Variants in WHRN observed in about 807,000 individuals in gnomAD.
WHRN encodes CASK-interacting protein CIP98.
Under a neutral mutation model 68.3 loss-of-function variants are expected in WHRN, and 41 were observed. That is an observed-to-expected ratio of 0.60 (90% CI 0.47 to 0.78). The LOEUF (loss-of-function observed/expected upper bound fraction) is 0.78. WHRN is among the 30% of genes least tolerant of loss of function. WHRN has a pLI of 0.00. For synonymous variants in WHRN, 560 were observed against 561.3 expected, an observed-to-expected ratio of 1.00 and a Z score of 0.03; for missense variants, 1,243 against 1,244.7, an observed-to-expected ratio of 1.00 and a Z score of 0.02.
chr9:114,479,660 G>A (rs1051023205), intron 1 of WHRN, among the ~76,000 whole-genome samples: 1 of 152,186 alleles, frequency 6.6e-6, no homozygotes, highest in African/African-American at 2.4e-5. Context: ...ATTATCTCAT[G>A]AAATCCTAAT....
At position 114,500,996 on chromosome 9, in the gene WHRN, C is replaced by A. The variant is rs76632423; in HGVS notation, c.618+3188G>T. 1.4e-4 allele frequency among the ~76,000 whole-genome samples: 22 copies of A among 152,276 alleles called. 1 individual carries two copies. The highest frequency in any genetic ancestry group is 3.9e-4 in the Admixed American group (6 of 15,308). ...ACAAGAAGACATCAGATTAGACATT[C>A]TAAATGCCTCCTGTGTAGCACATAC... On this transcript the variant is annotated intron_variant, in intron 1 of 11. Coordinates refer to ENST00000362057, the MANE Select transcript of WHRN (RefSeq NM_015404.4).
intron 3 of WHRN, among the ~76,000 whole-genome samples, chr9:114,450,834 CG>C (rs1564169115): frequency 0.025 from 3,761 of 149,968 alleles, 162 homozygotes; most frequent in African/African-American, 0.091. Context: ...TTTCCCCCCC[CG>C]CAAAAAAATA....
At chr9:114,404,610 T>C (rs2132195152) in intron 9 of WHRN, among the ~76,000 whole-genome samples, 1 of 152,082 alleles carries the variant, frequency 6.6e-6, no homozygotes, top group East Asian at 2.0e-4. Context: ...ACTATGTGTG[T>C]AACAGCCTGG....
intron 7 of WHRN, 94 bp downstream of exon 7, chr9:114,423,220 T>A: frequency 7.6e-7 from 1 of 1,313,986 alleles, no homozygotes; most frequent in Admixed American, 1.7e-5. Flanking sequence ...TAAGTGGTGG[T>A]GCTGGGATTC....
chr9:114,486,885 A>AGTGTGTGTGT (rs142516414), intron 1 of WHRN, among the ~76,000 whole-genome samples: 2 of 73,704 alleles, frequency 2.7e-5, no homozygotes, highest in African/African-American at 4.6e-5. Flanking sequence ...TGATTAAATT[A>AGTGTGTGTGT]GTGTGTGTGT....
chr9:114,502,971 G>T, intron 1 of WHRN: 1 of 204,248 alleles, frequency 4.9e-6, no homozygotes, highest in Non-Finnish European at 8.7e-6. Context: ...AGTATAAACC[G>T]ATCGGCCTTT....
At chr9:114,484,973 C>T (rs940138965) in intron 1 of WHRN, among the ~76,000 whole-genome samples, 2 of 152,098 alleles carry the variant, frequency 1.3e-5, no homozygotes, top group Non-Finnish European at 2.9e-5. Context: ...ATGGCAGACG[C>T]ACACATGCTT....
rs555518973 is a variant in WHRN, at chr9:114,483,135, T to A, written c.619-4364A>T. On this transcript the variant is annotated intron_variant, in intron 1 of 11. Transcript: ENST00000362057. ...CTATTCTTTAGGGATAAATATGGGCTTTTTCTGGGTGTTGGAGAGCAAGAA... is the reference window on the plus strand; with the variant it reads ...CTATTCTTTAGGGATAAATATGGGCATTTTCTGGGTGTTGGAGAGCAAGAA... Among the ~76,000 whole-genome samples, 9 of 152,326 alleles carry A rather than the reference T, an allele frequency of 5.9e-5. No individual in the cohort carries two copies. The East Asian group carries it at 1.3e-3, about 23-fold the overall frequency.
intron 9 of WHRN, among the ~76,000 whole-genome samples, chr9:114,405,149 A>C (rs1467002636): frequency 3.6e-5 from 5 of 137,612 alleles, no homozygotes; most frequent in Admixed American, 8.4e-5. Flanking sequence ...ATCTTGGCTC[A>C]CTGCAACCTC....
In WHRN at chr9:114,406,766, G is replaced by A; in HGVS notation, c.1825C>T (p.Pro609Ser). ...PRKLGREDLQ[P>S]PSSMPSCSGT... The stretch of plus-strand genomic sequence containing the variant: ...GAGCAGGAAGGCATGGAGGAAGGTG[G>A]CTGGAGGTCCTCTCTCCCCAGCTTC... The change falls in exon 9 of 12, where the codon CCA (proline) becomes TCA (serine). Residue 609 changes from proline (P) to serine (S), a missense_variant. Physicochemically the swap from Pro to Ser is moderately conservative, Grantham distance 74. Coordinates refer to ENST00000362057, the MANE Select transcript of WHRN (RefSeq NM_015404.4). 6.2e-7 allele frequency: 1 copy of A among 1,614,130 alleles called. No homozygotes were observed. The highest frequency in any genetic ancestry group is 8.5e-7 in the Non-Finnish European group (1 of 1,179,992).
chr9:114,442,931 A>G (rs768139130), intron 3 of WHRN, among the ~76,000 whole-genome samples: 8 of 152,236 alleles, frequency 5.3e-5, no homozygotes, highest in Non-Finnish European at 7.3e-5. Context: ...ATTATTTCAA[A>G]ATAAAAAGAT....
Position 114,424,913 on chromosome 9 carries a change from A to G in WHRN, c.1203+75T>C, listed in dbSNP as rs1589108938. On this transcript the variant is annotated intron_variant, in intron 5 of 11. Transcript: ENST00000362057. ...AATGAGGTAGTGTAAGTCACTCGGC[A>G]CCCTCTGGCTGGCCAGACCTCCTCA... 6 of 1,509,664 alleles carry G rather than the reference A, an allele frequency of 4.0e-6. No homozygotes were observed. The East Asian group carries it at 1.4e-4, about 34-fold the overall frequency. The allele number at this position is 1,509,664 out of a possible 1,614,324, so 93.5% of individuals were successfully genotyped here.
chr9:114,423,472 G>A lies in WHRN; in HGVS notation c.1468C>T (p.Arg490Cys), dbSNP rs769494605. 1.7e-5 allele frequency: 27 copies of A among 1,613,184 alleles called. 1 individual carries two copies. The highest frequency in any genetic ancestry group is 3.3e-5 in the South Asian group (3 of 91,082). ...RGTISPQDLERFDHLVLRREI... is the reference protein window; with the variant it reads ...RGTISPQDLECFDHLVLRREI... ...CGCCTCAGCACCAGGTGGTCGAAGCGTTCTAGGTCTTGCGGGGAAATGGTG... is the reference window on the plus strand; with the variant it reads ...CGCCTCAGCACCAGGTGGTCGAAGCATTCTAGGTCTTGCGGGGAAATGGTG... Residue 490 changes from arginine (R) to cysteine (C), a missense_variant, in exon 7 of 12, where the codon CGC (arginine) becomes TGC (cysteine). Physicochemically the swap from Arg to Cys is radical, Grantham distance 180 (BLOSUM62 -3). Coordinates refer to ENST00000362057, the MANE Select transcript of WHRN (RefSeq NM_015404.4).
At chr9:114,486,814 CAAAA>C (rs59992011) in intron 1 of WHRN, among the ~76,000 whole-genome samples, 39 of 71,194 alleles carry the variant, frequency 5.5e-4, no homozygotes, top group African/African-American at 2.1e-3. Flanking sequence ...GCTTCCCAGG[CAAAA>C]AAAAAAAAAA....
chr9:114,446,926 G>T (rs1838871795), intron 3 of WHRN, among the ~76,000 whole-genome samples: 1 of 145,592 alleles, frequency 6.9e-6, no homozygotes, highest in Non-Finnish European at 1.5e-5. Context: ...TCTCCTCTCT[G>T]TCAGCCCCTC....
At chr9:114,428,572 G>A (rs1277294884) in intron 3 of WHRN, among the ~76,000 whole-genome samples, 1 of 152,176 alleles carries the variant, frequency 6.6e-6, no homozygotes, top group Non-Finnish European at 1.5e-5. Flanking sequence ...GTGAAAAGGA[G>A]TGCTGATTTG....
At chr9:114,402,984 C>T (rs747159660) in intron 11 of WHRN, 48 bp from the exon 12 acceptor site, 6 of 1,579,820 alleles carry the variant, frequency 3.8e-6, no homozygotes, top group Non-Finnish European at 4.3e-6. Context: ...GTTAGACAGG[C>T]CTGGCTTTGA....
At chr9:114,424,967 A>C in intron 5 of WHRN, 21 bp downstream of exon 5, 1 of 1,609,626 alleles carries the variant, frequency 6.2e-7, no homozygotes, top group Non-Finnish European at 8.5e-7. Context: ...AGCAGAGAAT[A>C]CCCCTTAGAG....
intron 1 of WHRN, among the ~76,000 whole-genome samples, chr9:114,501,820 C>T (rs1486432671): frequency 6.6e-6 from 1 of 152,208 alleles, no homozygotes; most frequent in African/African-American, 2.4e-5. Flanking sequence ...TGACTCGCAG[C>T]ACTGCAGTTT....
Sources: gnomAD v4.1 joint callset for allele counts (sites outside exome capture counted in the v4.1 genomes callset) on GRCh38, gnomAD v4.1.1 for gene constraint, MANE v1.5 for transcripts, NCBI Gene and HGNC (gene_info 2026-07-23, HGNC 2026-07-21) for gene names.